The following OPCML variants were observed in gnomAD, a reference collection of about 807,000 sequenced individuals.
OPCML encodes opioid-binding protein/cell adhesion molecule.
A neutral mutation model predicts 37.8 loss-of-function variants in OPCML; 13 were observed. That is an observed-to-expected ratio of 0.34 (90% CI 0.22 to 0.55). The LOEUF is 0.55. Ranked by LOEUF, OPCML falls within the 20% of genes least tolerant of loss-of-function variation. The pLI, the probability that OPCML is intolerant of heterozygous loss-of-function variation, is 0.91. For synonymous variants in OPCML, 176 were observed against 168.8 expected (o/e 1.04, Z -0.33); for missense variants, 341 against 435.6 (o/e 0.78, Z 1.93).
At chr11:132,996,574 G>A (rs1297038997) in intron 1 of OPCML, among the ~76,000 whole-genome samples, 1 of 148,470 alleles carries the variant, frequency 6.7e-6, no homozygotes, top group Admixed American at 6.8e-5. Flanking sequence ...AGTCAAGATT[G>A]CGCCACTGCA....
At chr11:133,453,246 G>T (rs1452152529) in intron 1 of OPCML, among the ~76,000 whole-genome samples, 4 of 152,136 alleles carry the variant, frequency 2.6e-5, no homozygotes, top group Admixed American at 1.3e-4. Flanking sequence ...AATAAAGTAG[G>T]TGGTAACTGA....
In OPCML at chr11:133,173,110, A is replaced by G. The variant is rs1565485409; in HGVS notation, c.62-230100T>C. On this transcript the variant is annotated intron_variant, in intron 1 of 7. Coordinates refer to ENST00000524381, the MANE Select transcript of OPCML (RefSeq NM_001012393.5). The surrounding 1 kb of genome is among the most constrained non-coding windows in gnomAD (Gnocchi z 7.8). ...TCCACTTTACGTTGGGCTTGCTTCC[A>G]AGTGGTAATAGCCATTTCCAACAAC... is the stretch of plus-strand genomic sequence containing the variant. Among the ~76,000 whole-genome samples, 1 of 152,238 alleles carries G rather than the reference A, an allele frequency of 6.6e-6. No homozygotes were observed. Among genetic ancestry groups the G allele is most frequent in the Non-Finnish European group, 1.5e-5 (1 of 68,048 alleles).
At chr11:133,483,925 TGAAA>T (rs1439067202) in intron 1 of OPCML, among the ~76,000 whole-genome samples, 4 of 150,894 alleles carry the variant, frequency 2.7e-5, no homozygotes, top group Non-Finnish European at 4.4e-5. Context: ...GATTCATAGA[TGAAA>T]GATAGATAGA....
In OPCML at chr11:133,072,675, T is replaced by C. The variant is rs115397744; in HGVS notation, c.62-129665A>G. 8.9e-3 allele frequency among the ~76,000 whole-genome samples: 1,348 copies of C among 152,282 alleles called. 22 individuals are homozygous for C. Among genetic ancestry groups the C allele is most frequent in the African/African-American group, 0.031 (1,290 of 41,562 alleles). On this transcript the variant is annotated intron_variant, in intron 1 of 7. Coordinates refer to ENST00000524381, the MANE Select transcript of OPCML (RefSeq NM_001012393.5). ...CGCTACGTATTGGAGAGGAGTTCGGTTGACTATGAGTGCAGTGCTGGTCTA... is the reference window on the plus strand; with the variant it reads ...CGCTACGTATTGGAGAGGAGTTCGGCTGACTATGAGTGCAGTGCTGGTCTA...
intron 2 of OPCML, among the ~76,000 whole-genome samples, chr11:132,769,311 C>T (rs1319103828): frequency 1.3e-5 from 2 of 150,528 alleles, no homozygotes; most frequent in Non-Finnish European, 2.9e-5. Flanking sequence ...GATCTTGGCT[C>T]ACTCCAAGTT....
chr11:133,367,133 G>A (rs1039582398), intron 1 of OPCML, among the ~76,000 whole-genome samples: 1 of 152,036 alleles, frequency 6.6e-6, no homozygotes, highest in Non-Finnish European at 1.5e-5. Flanking sequence ...CATGTACCAC[G>A]ACACCCAGCT....
At chr11:132,447,368 G>T (rs915756805) in intron 4 of OPCML, among the ~76,000 whole-genome samples, 2 of 152,044 alleles carry the variant, frequency 1.3e-5, no homozygotes, top group South Asian at 4.1e-4. Context: ...GCGCAATCTT[G>T]GCTCACTGCA....
At chr11:133,364,288 A>T (rs1401463693) in intron 1 of OPCML, among the ~76,000 whole-genome samples, 1 of 152,206 alleles carries the variant, frequency 6.6e-6, no homozygotes, top group African/African-American at 2.4e-5. Context: ...CCTTTACTAA[A>T]TTCTAGCTGA....
At chr11:132,662,475 A>G (rs1942024699) in intron 2 of OPCML, among the ~76,000 whole-genome samples, 1 of 151,662 alleles carries the variant, frequency 6.6e-6, no homozygotes, top group Non-Finnish European at 1.5e-5. Flanking sequence ...CCTAAGGTGC[A>G]TGAGATAACT....
In OPCML at chr11:132,622,760, G is replaced by A. The variant is rs932444697; in HGVS notation, c.379+34327C>T. The stretch of plus-strand genomic sequence containing the variant: ...CCATCTCTCCAAGGTACCACATTGC[G>A]CTTTGGAGGCTGTAGTGCCCTTGTC... On this transcript the variant is annotated intron_variant, in intron 3 of 7. Transcript: ENST00000524381. Among the ~76,000 whole-genome samples, 21 of 152,298 alleles carry A rather than the reference G, an allele frequency of 1.4e-4. No individual in the cohort carries two copies. The Middle Eastern group carries it at 0.01, about 74-fold the overall frequency.
intron 4 of OPCML, among the ~76,000 whole-genome samples, chr11:132,521,749 A>C (rs1291800636): frequency 6.6e-6 from 1 of 152,222 alleles, no homozygotes; most frequent in African/African-American, 2.4e-5. Context: ...CATCCTGCAC[A>C]TTCCAGAACT....
rs747062268 is a variant in OPCML, at chr11:132,436,123, G to T, written c.879C>A (p.Asn293Lys). 1 of 1,614,186 alleles carries T rather than the reference G, an allele frequency of 6.2e-7. No individual in the cohort carries two copies. The highest frequency in any genetic ancestry group is 1.1e-5 in the South Asian group (1 of 91,082). ...TGCTGGCATTGGTGTTCCCAAGCTT[G>T]TTCGTGGCCACACAAGTATAGTTCC... ...DYGNYTCVAT[N>K]KLGNTNASIT... The change falls in exon 7 of 8, where the codon AAC (asparagine) becomes AAA (lysine). Residue 293 changes from asparagine (N) to lysine (K), a missense_variant. By Grantham distance (94) the Asn-to-Lys change is moderately conservative (BLOSUM62 0). Coordinates refer to ENST00000524381, the MANE Select transcript of OPCML (RefSeq NM_001012393.5).
At chr11:133,055,919 G>T (rs546120447) in intron 1 of OPCML, among the ~76,000 whole-genome samples, 16 of 150,332 alleles carry the variant, frequency 1.1e-4, no homozygotes, top group Admixed American at 3.3e-4. Flanking sequence ...ACTGTACAAT[G>T]CTGCCTCCAT....
At chr11:133,356,486 G>A (rs577901375) in intron 1 of OPCML, among the ~76,000 whole-genome samples, 1 of 152,134 alleles carries the variant, frequency 6.6e-6, no homozygotes, top group African/African-American at 2.4e-5. Context: ...GAGAAAGTAG[G>A]AGCCAGAGGG....
At chr11:133,015,052 T>C (rs1947294639) in intron 1 of OPCML, among the ~76,000 whole-genome samples, 1 of 151,994 alleles carries the variant, frequency 6.6e-6, no homozygotes, top group Admixed American at 6.5e-5. Flanking sequence ...CAGTTACAAA[T>C]ACAAAAGAGT....
rs111875595 is a variant in OPCML at position 132,450,433 on chromosome 11, G to T, written c.506-13074C>A. Among the ~76,000 whole-genome samples the T allele has an allele frequency of 8.6e-3, 1,311 of 152,208 alleles. 18 individuals are homozygous for T. The highest frequency in any genetic ancestry group is 0.029 in the African/African-American group (1,223 of 41,516). ...TGCTGCACAGGAAACCATATGGGGCGGGTGCTGGAGCCTGGTGCCTCGACG... is the reference window on the plus strand; with the variant it reads ...TGCTGCACAGGAAACCATATGGGGCTGGTGCTGGAGCCTGGTGCCTCGACG... On this transcript the variant is annotated intron_variant, in intron 4 of 7. Coordinates refer to ENST00000524381, the MANE Select transcript of OPCML (RefSeq NM_001012393.5).
intron 4 of OPCML, among the ~76,000 whole-genome samples, chr11:132,441,674 A>T (rs920198483): frequency 1.3e-5 from 2 of 152,188 alleles, no homozygotes; most frequent in African/African-American, 4.8e-5. Flanking sequence ...GAATCACTGG[A>T]AGAAATATGT....
chr11:133,250,523 G>C (rs1465178811), intron 1 of OPCML, among the ~76,000 whole-genome samples: 4 of 120,400 alleles, frequency 3.3e-5, no homozygotes, highest in Non-Finnish European at 5.3e-5. Flanking sequence ...AGGGAGGGAA[G>C]GGAGGGAGGG....
chr11:133,339,923 T>G (rs2136667497), intron 1 of OPCML, among the ~76,000 whole-genome samples: 1 of 152,258 alleles, frequency 6.6e-6, no homozygotes, highest in South Asian at 2.1e-4. Context: ...CCCCCAAGTC[T>G]CACAAAAATC....
Sources: allele counts gnomAD v4.1 joint callset (sites outside exome capture counted in the v4.1 genomes callset), GRCh38; gene constraint gnomAD v4.1.1; non-coding constraint Gnocchi (gnomAD v3.1); transcripts MANE v1.5; gene names NCBI Gene and HGNC (gene_info 2026-07-23, HGNC 2026-07-21).